The following NECAB1 variants were observed in gnomAD, a reference collection of about 807,000 sequenced individuals.
The protein encoded by NECAB1 is N-terminal EF-hand calcium-binding protein 1.
NECAB1 carries 29 observed loss-of-function variants against 57.5 expected under a neutral mutation model. That is an observed-to-expected ratio of 0.50 (90% CI 0.38 to 0.69). The LOEUF is 0.69. Among genes scored for constraint, NECAB1 ranks in the 30% least tolerant of loss-of-function variants. NECAB1 has a pLI of 0.00. For missense variants in NECAB1, 372 were observed against 413.8 expected, an observed-to-expected ratio of 0.90 and a Z score of 0.88; for synonymous variants, 142 against 147.7, an observed-to-expected ratio of 0.96 and a Z score of 0.28.
At chr8:90,874,415 A>T (rs918029343) in intron 4 of NECAB1, among the ~76,000 whole-genome samples, 1 of 152,252 alleles carries the variant, frequency 6.6e-6, no homozygotes, top group African/African-American at 2.4e-5. Flanking sequence ...TGAAAGTAAT[A>T]CATAACTACT....
chr8:90,925,612 A>G lies in NECAB1; in HGVS notation c.572A>G (p.Asn191Ser). The change falls in exon 7 of 13, where the codon AAC becomes AGC. Residue 191 changes from asparagine (N) to serine (S), a missense_variant. Physicochemically the swap from Asn to Ser is conservative, Grantham distance 46 (BLOSUM62 1). Coordinates refer to ENST00000417640, the MANE Select transcript of NECAB1 (RefSeq NM_022351.5). The stretch of plus-strand genomic sequence containing the variant: ...TCAAGCCGCCGAGTCCAGAGACACA[A>G]CAGCTTCTCCCCAAACAGCCCTCAG... ...KRSSRRVQRHNSFSPNSPQFN... is the reference protein window; with the variant it reads ...KRSSRRVQRHSSFSPNSPQFN... 6.2e-7 allele frequency: 1 copy of G among 1,613,842 alleles called. No homozygotes were observed.
At chr8:90,841,345 G>A (rs1004085434) in intron 3 of NECAB1, among the ~76,000 whole-genome samples, 1 of 152,062 alleles carries the variant, frequency 6.6e-6, no homozygotes, top group Non-Finnish European at 1.5e-5. Flanking sequence ...CTTGGGCAGA[G>A]AGCCCTTCAA....
intron 2 of NECAB1, among the ~76,000 whole-genome samples, chr8:90,809,226 C>A (rs1366669851): frequency 3.3e-5 from 5 of 152,190 alleles, no homozygotes; most frequent in Non-Finnish European, 7.3e-5. Context: ...AGGACAGGAA[C>A]CACCAAGCAA....
intron 7 of NECAB1, among the ~76,000 whole-genome samples, chr8:90,927,151 T>G (rs1810291831): frequency 6.6e-6 from 1 of 151,982 alleles, no homozygotes; most frequent in African/African-American, 2.4e-5. Context: ...AAACATAAAT[T>G]TTATTAGTAT....
At chr8:90,839,313 C>G (rs1233480932) in intron 3 of NECAB1, among the ~76,000 whole-genome samples, 4 of 152,198 alleles carry the variant, frequency 2.6e-5, no homozygotes, top group Admixed American at 6.5e-5. Context: ...CAACCCAAGT[C>G]TAACTCAATT....
At chr8:90,905,732 G>C (rs1204919921) in intron 5 of NECAB1, among the ~76,000 whole-genome samples, 1 of 151,932 alleles carries the variant, frequency 6.6e-6, no homozygotes, top group Non-Finnish European at 1.5e-5. Context: ...TCTCCTCTTA[G>C]AACTCCTTAT....
intron 3 of NECAB1, among the ~76,000 whole-genome samples, chr8:90,864,837 G>A (rs1240865339): frequency 1.3e-5 from 2 of 152,078 alleles, no homozygotes; most frequent in Non-Finnish European, 2.9e-5. Context: ...AGGTAAGGGG[G>A]AGCCTAAGAG....
rs1811018395 is a variant in NECAB1 at position 90,955,660 on chromosome 8, A to G, written c.*148A>G. On this transcript the variant is annotated 3_prime_UTR_variant, in exon 13 of 13. Transcript: ENST00000417640. ...AGTGCACTCTTTCAAAACTTATTCT[A>G]TAACTTTATCAATTCATGTGAATTT... is the stretch of plus-strand genomic sequence containing the variant. 6.0e-6 allele frequency: 3 copies of G among 500,402 alleles called. No individual in the cohort carries two copies. The highest frequency in any genetic ancestry group is 1.0e-5 in the Non-Finnish European group (3 of 290,664). The allele number at this position is 500,402 out of a possible 1,614,324, so 31.0% of individuals were successfully genotyped here.
chr8:90,834,546 G>A (rs1388181506), intron 3 of NECAB1, among the ~76,000 whole-genome samples: 1 of 152,120 alleles, frequency 6.6e-6, no homozygotes, highest in African/African-American at 2.4e-5. Context: ...CACCAAATCT[G>A]TTGGTGTCTT....
chr8:90,849,537 T>C (rs949993576), intron 3 of NECAB1, among the ~76,000 whole-genome samples: 3 of 147,888 alleles, frequency 2.0e-5, no homozygotes, highest in African/African-American at 2.5e-5. Flanking sequence ...TGTTCTATAG[T>C]TGAGTGCTTC....
At chr8:90,947,852 T>A (rs552200121) in intron 10 of NECAB1, among the ~76,000 whole-genome samples, 4 of 152,368 alleles carry the variant, frequency 2.6e-5, no homozygotes, top group African/African-American at 9.6e-5. Context: ...TGCCATTTCA[T>A]ACTGTGTTGT....
chr8:90,944,898 C>A (rs1278954262), intron 10 of NECAB1, among the ~76,000 whole-genome samples: 1 of 152,058 alleles, frequency 6.6e-6, no homozygotes. Context: ...AATCATTTAT[C>A]AGTATTTATT....
In NECAB1 at chr8:90,917,870, A is replaced by ATATATATGTGTGTG. The variant is rs1554575432; in HGVS notation, c.494+243_494+244insATATATGTGTGTGT. Among the ~76,000 whole-genome samples the ATATATATGTGTGTG allele has an allele frequency of 3.4e-4, 22 of 64,330 alleles. 1 individual carries two copies. Among genetic ancestry groups the ATATATATGTGTGTG allele is most frequent in the African/African-American group, 2.0e-3 (19 of 9,576 alleles). The allele number at this position is 64,330 out of a possible 152,430, so 42.2% of individuals were successfully genotyped here. On this transcript the variant is annotated intron_variant, in intron 6 of 12. Coordinates refer to ENST00000417640, the MANE Select transcript of NECAB1 (RefSeq NM_022351.5). ...TATATATATATATATATATATATAT[A>ATATATATGTGTGTG]TGTGTGTGTGTGCGTGTATATATAT... is the stretch of plus-strand genomic sequence containing the variant.
At chr8:90,910,474 T>C (rs1809805086) in intron 5 of NECAB1, among the ~76,000 whole-genome samples, 1 of 152,196 alleles carries the variant, frequency 6.6e-6, no homozygotes, top group African/African-American at 2.4e-5. Context: ...CTTAAGTGGT[T>C]TGTCTTATAG....
At chr8:90,903,485 G>A (rs1809558628) in intron 5 of NECAB1, among the ~76,000 whole-genome samples, 1 of 152,052 alleles carries the variant, frequency 6.6e-6, no homozygotes, top group Admixed American at 6.6e-5. Context: ...AAAAACAGTT[G>A]CTTTTTATTT....
intron 9 of NECAB1, among the ~76,000 whole-genome samples, chr8:90,938,391 G>T (rs1387337646): frequency 6.6e-6 from 1 of 152,088 alleles, no homozygotes; most frequent in Non-Finnish European, 1.5e-5. Flanking sequence ...TATATCTTGG[G>T]ATCCCACATT....
chr8:90,815,366 T>C (rs958499168), intron 2 of NECAB1, among the ~76,000 whole-genome samples: 1 of 152,080 alleles, frequency 6.6e-6, no homozygotes, highest in African/African-American at 2.4e-5. Flanking sequence ...ACATTCTGCA[T>C]TCTATCCTGA....
intron 12 of NECAB1, 100 bp downstream of exon 12, chr8:90,951,304 G>A (rs968322863): frequency 3.1e-6 from 2 of 638,220 alleles, no homozygotes; most frequent in Non-Finnish European, 5.4e-6. Context: ...TTTTATCAAT[G>A]GTACTCTCTT....
intron 5 of NECAB1, among the ~76,000 whole-genome samples, chr8:90,891,561 G>T (rs1392649627): frequency 6.6e-6 from 1 of 151,354 alleles, no homozygotes; most frequent in African/African-American, 2.4e-5. Context: ...ATAGAACCAA[G>T]AATTTTTCTC....
Sources: allele counts gnomAD v4.1 joint callset (sites outside exome capture counted in the v4.1 genomes callset), GRCh38; gene constraint gnomAD v4.1.1; transcripts MANE v1.5; gene names NCBI Gene and HGNC (gene_info 2026-07-23, HGNC 2026-07-21).